TTLL5: variants seen among roughly 807,000 people sequenced by gnomAD.
The protein encoded by TTLL5 is tubulin polyglutamylase TTLL5.
A neutral mutation model predicts 168.4 loss-of-function variants in TTLL5; 132 were observed. That is an observed-to-expected ratio of 0.78 (90% confidence interval 0.68 to 0.91). TTLL5 has a LOEUF of 0.91. Ranked by LOEUF, TTLL5 falls within the 40% of genes least tolerant of loss-of-function variation. The probability of loss-of-function intolerance (pLI) is 0.00; values close to 1 mark genes in which losing one functional copy is unlikely to be tolerated. For missense variants in TTLL5, 1,545 were observed against 1,581.5 expected (o/e 0.98, Z 0.39); for synonymous variants, 546 against 558.6 (o/e 0.98, Z 0.32).
At chr14:75,783,573 C>A in intron 26 of TTLL5, 43 bp downstream of exon 26, 1 of 1,580,488 alleles carries the variant, frequency 6.3e-7, no homozygotes, top group Non-Finnish European at 8.6e-7. Flanking sequence ...TGAGCTCCTC[C>A]CCAGCCCCAA....
chr14:75,663,324 A>T, intron 2 of TTLL5, 101 bp downstream of exon 2: 1 of 1,154,694 alleles, frequency 8.7e-7, no homozygotes, highest in Non-Finnish European at 1.2e-6. Flanking sequence ...TTACTTATGT[A>T]CTCTTTTATC....
intron 27 of TTLL5, among the ~76,000 whole-genome samples, chr14:75,797,051 G>C (rs1237896654): frequency 6.6e-6 from 1 of 152,170 alleles, no homozygotes; most frequent in Admixed American, 6.5e-5. Flanking sequence ...CCATCCATGA[G>C]CATGGGATGT....
intron 31 of TTLL5, among the ~76,000 whole-genome samples, chr14:75,913,709 T>C (rs1268797501): frequency 6.6e-6 from 1 of 152,096 alleles, no homozygotes; most frequent in Non-Finnish European, 1.5e-5. Flanking sequence ...CCTGCCTACA[T>C]ATGCAAATTC....
At chr14:75,793,139 T>G in intron 27 of TTLL5, 39 bp downstream of exon 27, 1 of 1,496,536 alleles carries the variant, frequency 6.7e-7, no homozygotes. Context: ...TCTTTGGACC[T>G]GAGGATAGAA....
chr14:75,808,812 G>A (rs1167301574), intron 27 of TTLL5, among the ~76,000 whole-genome samples: 1 of 151,780 alleles, frequency 6.6e-6, no homozygotes, highest in Non-Finnish European at 1.5e-5. Context: ...TTTATATAGA[G>A]GTGAGGTCTC....
chr14:75,706,638 C>T (rs1886676716), intron 7 of TTLL5, among the ~76,000 whole-genome samples: 1 of 152,038 alleles, frequency 6.6e-6, no homozygotes, highest in Admixed American at 6.6e-5. Flanking sequence ...TTTAAATTTC[C>T]ATTATACTTC....
intron 31 of TTLL5, among the ~76,000 whole-genome samples, chr14:75,925,082 C>G (rs571097551): frequency 7.0e-6 from 1 of 142,390 alleles, no homozygotes; most frequent in African/African-American, 2.7e-5. Context: ...GCTGGTCGGG[C>G]GGGGGGCTGA....
chr14:75,928,157 C>T (rs1048018822), intron 31 of TTLL5, among the ~76,000 whole-genome samples: 10 of 151,770 alleles, frequency 6.6e-5, no homozygotes, highest in South Asian at 6.2e-4. Flanking sequence ...GAGGTAACTG[C>T]CACTGACCTC....
intron 27 of TTLL5, among the ~76,000 whole-genome samples, chr14:75,797,352 A>C (rs1326051998): frequency 6.6e-6 from 1 of 152,002 alleles, no homozygotes; most frequent in Non-Finnish European, 1.5e-5. Context: ...TAGGTATATG[A>C]TCATATTGGC....
chr14:75,662,906 C>T, intron 1 of TTLL5, 149 bp from the exon 2 acceptor site: 1 of 618,838 alleles, frequency 1.6e-6, no homozygotes, highest in Non-Finnish European at 2.9e-6. Flanking sequence ...GAGGCACATT[C>T]CATATGTTAT....
At chr14:75,781,332 A>G (rs1182281928) in intron 24 of TTLL5, among the ~76,000 whole-genome samples, 2 of 152,210 alleles carry the variant, frequency 1.3e-5, no homozygotes, top group South Asian at 2.1e-4. Flanking sequence ...CAAGGAAACA[A>G]CATTATGACA....
intron 30 of TTLL5, among the ~76,000 whole-genome samples, chr14:75,883,123 G>C (rs2031907640): frequency 6.6e-6 from 1 of 152,210 alleles, no homozygotes; most frequent in Non-Finnish European, 1.5e-5. Flanking sequence ...CTGTGGGAGG[G>C]ACAGGCCCTG....
At chr14:75,813,192 A>G (rs546435992) in intron 27 of TTLL5, among the ~76,000 whole-genome samples, 4 of 110,562 alleles carry the variant, frequency 3.6e-5, no homozygotes, top group African/African-American at 1.5e-4. Flanking sequence ...GCCTGGAACA[A>G]GCTGTGTGTG....
chr14:75,677,797 A>AT (rs1389610664), intron 3 of TTLL5, among the ~76,000 whole-genome samples: 137 of 143,028 alleles, frequency 9.6e-4, no homozygotes, highest in East Asian at 1.2e-3. Context: ...AAAAAAAAAA[A>AT]TTTTTTTTTT....
chr14:75,904,796 G>A (rs2033079221), intron 31 of TTLL5, among the ~76,000 whole-genome samples: 2 of 152,024 alleles, frequency 1.3e-5, no homozygotes, highest in Admixed American at 1.3e-4. Flanking sequence ...TGAACTTTTC[G>A]AATTTGTTTC....
chr14:75,674,667 A>G (rs1456003217), intron 3 of TTLL5, among the ~76,000 whole-genome samples: 1 of 152,118 alleles, frequency 6.6e-6, no homozygotes, highest in African/African-American at 2.4e-5. Flanking sequence ...AGGTATTTTC[A>G]GCTTAAAGTA....
At chr14:75,738,978 G>A (rs1337441817) in intron 15 of TTLL5, among the ~76,000 whole-genome samples, 1 of 151,960 alleles carries the variant, frequency 6.6e-6, no homozygotes, top group Admixed American at 6.6e-5. Context: ...CTAATTTTTT[G>A]TATTTTTGGT....
chr14:75,935,577 A>T (rs2034410750), intron 31 of TTLL5, among the ~76,000 whole-genome samples: 1 of 152,222 alleles, frequency 6.6e-6, no homozygotes, highest in Non-Finnish European at 1.5e-5. Flanking sequence ...CACTAAAAAG[A>T]TGTGTTGGGA....
At chr14:75,771,663 G>T in intron 20 of TTLL5, 71 bp from the exon 21 acceptor site, 1 of 1,593,494 alleles carries the variant, frequency 6.3e-7, no homozygotes, top group South Asian at 1.1e-5. Context: ...GCCACTTGGA[G>T]AGAAGCAAGT....
Sources: allele counts gnomAD v4.1 joint callset (sites outside exome capture counted in the v4.1 genomes callset), GRCh38; gene constraint gnomAD v4.1.1; transcripts MANE v1.5; gene names NCBI Gene and HGNC (gene_info 2026-07-23, HGNC 2026-07-21).